The following CALCR variants were observed in gnomAD, a reference collection of about 807,000 sequenced individuals.
The protein encoded by CALCR is calcitonin receptor.
A neutral mutation model predicts 59.5 loss-of-function variants in CALCR; 47 were observed. That is an observed-to-expected ratio of 0.79 (90% CI 0.63 to 1.01). The LOEUF is 1.01. CALCR is among the 50% of genes least tolerant of loss of function. The pLI is 0.00. For synonymous variants in CALCR, 213 were observed against 211.3 expected, an observed-to-expected ratio of 1.01 and a Z score of -0.07; for missense variants, 566 against 597.1, an observed-to-expected ratio of 0.95 and a Z score of 0.54.
chr7:93,428,116 A>C (rs1379578220), intron 13 of CALCR, among the ~76,000 whole-genome samples: 1 of 152,250 alleles, frequency 6.6e-6, no homozygotes, highest in Non-Finnish European at 1.5e-5. Context: ...AATAAGGTGG[A>C]CCATGCAGCT....
At chr7:93,553,495 A>T (rs556214560) in intron 2 of CALCR, among the ~76,000 whole-genome samples, 38 of 146,618 alleles carry the variant, frequency 2.6e-4, no homozygotes, top group African/African-American at 9.6e-4. Context: ...TTTTTTTTGC[A>T]CAACAAATTT....
intron 2 of CALCR, among the ~76,000 whole-genome samples, chr7:93,505,601 T>C (rs967576248): frequency 3.9e-5 from 6 of 152,174 alleles, no homozygotes; most frequent in African/African-American, 1.4e-4. Context: ...CCCTGTCTCC[T>C]TCCTTCAGGG....
rs747921380 is a variant in CALCR at position 93,479,421 on chromosome 7, C to T, written c.138G>A (p.Lys46=). 6.2e-7 allele frequency: 1 copy of T among 1,612,664 alleles called. No individual in the cohort carries two copies. Among genetic ancestry groups the T allele is most frequent in the South Asian group, 1.1e-5 (1 of 91,026 alleles). ...ATTTGTACTGTGCATCCATCATCTT[C>T]TTTCGTCCTACGACGTAAAGAAATG... is the stretch of plus-strand genomic sequence containing the variant. The part of the protein sequence containing the change: ...PKPFLYVVGR[K]KMMDAQYKCY... The change falls in exon 4 of 14, where the codon AAG becomes AAA. Residue 46 remains lysine, a synonymous_variant. Transcript: ENST00000426151.
At chr7:93,525,934 C>T (rs1369275124) in intron 2 of CALCR, among the ~76,000 whole-genome samples, 1 of 152,114 alleles carries the variant, frequency 6.6e-6, no homozygotes, top group Non-Finnish European at 1.5e-5. Context: ...CACTATTAAC[C>T]TTTGCTATTA....
intron 8 of CALCR, among the ~76,000 whole-genome samples, chr7:93,447,784 G>A (rs1800034055): frequency 1.3e-5 from 2 of 151,774 alleles, no homozygotes; most frequent in South Asian, 2.1e-4. Context: ...CATGCCATAC[G>A]GTTTCATTTC....
At chr7:93,545,180 C>T (rs1789252935) in intron 2 of CALCR, among the ~76,000 whole-genome samples, 2 of 152,048 alleles carry the variant, frequency 1.3e-5, no homozygotes, top group South Asian at 2.1e-4. Context: ...AATGCTATTC[C>T]AGTTGATATT....
chr7:93,455,675 C>A (rs954450750), intron 8 of CALCR, among the ~76,000 whole-genome samples: 1 of 151,948 alleles, frequency 6.6e-6, no homozygotes, highest in Non-Finnish European at 1.5e-5. Context: ...TTGAAAATAG[C>A]AATAAAATCT....
At chr7:93,540,084 G>T (rs886124200) in intron 2 of CALCR, among the ~76,000 whole-genome samples, 2 of 152,130 alleles carry the variant, frequency 1.3e-5, no homozygotes, top group African/African-American at 4.8e-5. Context: ...CGCTGCCCTA[G>T]GATTCTTCCA....
intron 8 of CALCR, among the ~76,000 whole-genome samples, chr7:93,447,088 C>T (rs940846317): frequency 6.6e-6 from 1 of 151,942 alleles, no homozygotes; most frequent in Non-Finnish European, 1.5e-5. Context: ...TTTAATAAAA[C>T]ATACAGTTTG....
chr7:93,531,188 T>C (rs1220372125), intron 2 of CALCR, among the ~76,000 whole-genome samples: 1 of 152,140 alleles, frequency 6.6e-6, no homozygotes, highest in East Asian at 1.9e-4. Context: ...AATGTCTGTA[T>C]TTTGAATTCA....
At chr7:93,519,446 T>G (rs1801713167) in intron 2 of CALCR, among the ~76,000 whole-genome samples, 1 of 152,050 alleles carries the variant, frequency 6.6e-6, no homozygotes, top group African/African-American at 2.4e-5. Context: ...GTTTACTCAT[T>G]TGTACAATTA....
At chr7:93,517,775 T>C (rs1403066446) in intron 2 of CALCR, among the ~76,000 whole-genome samples, 1 of 151,808 alleles carries the variant, frequency 6.6e-6, no homozygotes, top group African/African-American at 2.4e-5. Flanking sequence ...GAGGATACAT[T>C]TGCAATCCAA....
chr7:93,458,233 C>A (rs1183041322), intron 8 of CALCR, among the ~76,000 whole-genome samples: 2 of 152,032 alleles, frequency 1.3e-5, no homozygotes, highest in Admixed American at 6.6e-5. Flanking sequence ...CACTCTGGAG[C>A]CATTAGAAGC....
At chr7:93,556,097 A>G (rs1584629543) in intron 2 of CALCR, among the ~76,000 whole-genome samples, 1 of 152,208 alleles carries the variant, frequency 6.6e-6, no homozygotes, top group East Asian at 1.9e-4. Context: ...CATTGAGGTT[A>G]TCCTTAAGTC....
At chr7:93,476,030 A>G (rs1051616099) in intron 5 of CALCR, among the ~76,000 whole-genome samples, 1 of 151,776 alleles carries the variant, frequency 6.6e-6, no homozygotes, top group African/African-American at 2.4e-5. Flanking sequence ...CTAGAGATTC[A>G]AATTCTATTG....
chr7:93,462,680 G>T (rs777065509), intron 7 of CALCR, among the ~76,000 whole-genome samples: 4 of 152,050 alleles, frequency 2.6e-5, no homozygotes, highest in African/African-American at 4.8e-5. Flanking sequence ...ATACAGCAAT[G>T]ATATTCTTAA....
chr7:93,559,479 T>C (rs1789691099), intron 2 of CALCR: 2 of 152,078 alleles, frequency 1.3e-5, no homozygotes, highest in African/African-American at 2.4e-5. Flanking sequence ...TTTATTTGTG[T>C]CATTAGTCAA....
Position 93,499,872 on chromosome 7 carries a change from C to T in CALCR, c.-26-12865G>A, listed in dbSNP as rs118041160. Reference sequence around the variant, plus strand: ...AAGTCAATGCCACATACATACGAAACCATTCTATAAATACCAACAGGAATT... The same window carrying T: ...AAGTCAATGCCACATACATACGAAATCATTCTATAAATACCAACAGGAATT... On this transcript the variant is annotated intron_variant, in intron 2 of 13. Transcript: ENST00000426151. Among the ~76,000 whole-genome samples, 298 of 151,864 alleles carry T rather than the reference C, an allele frequency of 2.0e-3. 1 individual carries two copies. Among genetic ancestry groups the T allele is most frequent in the Middle Eastern group, 6.8e-3 (2 of 294 alleles).
At chr7:93,520,039 T>A (rs1311961138) in intron 2 of CALCR, among the ~76,000 whole-genome samples, 1 of 152,068 alleles carries the variant, frequency 6.6e-6, no homozygotes, top group Non-Finnish European at 1.5e-5. Flanking sequence ...TTTCAAAATG[T>A]GTTCATAAAT....
Sources: gnomAD v4.1 joint callset for allele counts (sites outside exome capture counted in the v4.1 genomes callset) on GRCh38, gnomAD v4.1.1 for gene constraint, MANE v1.5 for transcripts, NCBI Gene and HGNC (gene_info 2026-07-23, HGNC 2026-07-21) for gene names.